TOP1: variants seen among roughly 807,000 people sequenced by gnomAD.
The protein encoded by TOP1 is DNA topoisomerase 1.
A neutral mutation model predicts 111.1 loss-of-function variants in TOP1; 10 were observed. The observed-to-expected ratio is 0.09, with a 90% CI of 0.06 to 0.15. The LOEUF is 0.15. Among genes scored for constraint, TOP1 ranks in the 10% least tolerant of loss-of-function variants. The pLI is 1.00. For missense variants in TOP1, 474 were observed against 926.7 expected, an observed-to-expected ratio of 0.51 and a Z score of 6.34; for synonymous variants, 271 against 302.9, an observed-to-expected ratio of 0.89 and a Z score of 1.10.
In TOP1 at chr20:41,046,178, G is replaced by A. The variant is rs558594811; in HGVS notation, c.59-15216G>A. Among the ~76,000 whole-genome samples, 4 of 152,302 alleles carry A rather than the reference G, an allele frequency of 2.6e-5. No individual in the cohort carries two copies. Among genetic ancestry groups the A allele is most frequent in the East Asian group, 3.9e-4 (2 of 5,190 alleles). ...GAACATTTTTAATGCCCTAGGCAGC[G>A]TCTTAAGAATTCTAAGCTTTCATTT... On this transcript the variant is annotated intron_variant, in intron 2 of 20. Transcript: ENST00000361337. The surrounding 1 kb of genome is among the most constrained non-coding windows in gnomAD (Gnocchi z 4.3).
chr20:41,094,217 G>A lies in TOP1; in HGVS notation c.730+1630G>A, dbSNP rs1420684844. 2.0e-5 allele frequency among the ~76,000 whole-genome samples: 3 copies of A among 152,096 alleles called. No homozygotes were observed. Among genetic ancestry groups the A allele is most frequent in the Admixed American group, 6.5e-5 (1 of 15,276 alleles). On this transcript the variant is annotated intron_variant, in intron 9 of 20. Coordinates refer to ENST00000361337, the MANE Select transcript of TOP1 (RefSeq NM_003286.4). This position sits in a 1 kb window ranked among gnomAD's most constrained non-coding sequence, Gnocchi z 4.4. ...TCTCAGAGGCAAATGCTTATGTTAT[G>A]TAAACATTTTGACCTGTTGACCAGA...
rs1555804903 is a variant in TOP1 at position 41,080,205 on chromosome 20, CTTTTG to C, written c.431+26_431+30del. 1 of 1,399,560 alleles carries C rather than the reference CTTTTG, an allele frequency of 7.1e-7. No individual in the cohort carries two copies. The highest frequency in any genetic ancestry group is 2.0e-5 in the Admixed American group (1 of 50,468). The allele number at this position is 1,399,560 out of a possible 1,614,324, so 86.7% of individuals were successfully genotyped here. A position where few individuals can be genotyped will look rare whatever the true frequency, so the allele number is the denominator to read the frequency against. ...AGTGAGTATTTTCTTAAAACTTTGACTTTTGAAAACAAAAAGGAGGAGTTTAAAGA... is the reference window on the plus strand; with the variant it reads ...AGTGAGTATTTTCTTAAAACTTTGACAAAACAAAAAGGAGGAGTTTAAAGA... On this transcript the variant is annotated intron_variant, in intron 6 of 20. Coordinates refer to ENST00000361337, the MANE Select transcript of TOP1 (RefSeq NM_003286.4). The surrounding 1 kb of genome is among the most constrained non-coding windows in gnomAD (Gnocchi z 5.0).
chr20:41,044,050 G>C (rs1417542280), intron 2 of TOP1, among the ~76,000 whole-genome samples: 3 of 152,198 alleles, frequency 2.0e-5, no homozygotes, highest in Non-Finnish European at 2.9e-5. Flanking sequence ...GCCGAGGCAG[G>C]CGGATCACCT....
At chr20:41,062,930 C>A (rs763910184) in intron 3 of TOP1, among the ~76,000 whole-genome samples, 1 of 152,022 alleles carries the variant, frequency 6.6e-6, no homozygotes, top group Non-Finnish European at 1.5e-5. Context: ...TCTACTTTTC[C>A]GCTTTTAATT....
At position 41,106,092 on chromosome 20, in the gene TOP1, A is replaced by C. The variant is rs1052446329; in HGVS notation, c.1308+4739A>C. ...TAGAATGTATTTTTGCATTGGGATG[A>C]AGTTGAAACCTAATATATTTTCCAA... On this transcript the variant is annotated intron_variant, in intron 13 of 20. Transcript: ENST00000361337. This position sits in a 1 kb window ranked among gnomAD's most constrained non-coding sequence, Gnocchi z 4.3. Among the ~76,000 whole-genome samples the C allele has an allele frequency of 3.3e-5, 5 of 151,506 alleles. No individual in the cohort carries two copies. Among genetic ancestry groups the C allele is most frequent in the Non-Finnish European group, 5.9e-5 (4 of 68,002 alleles).
chr20:41,123,184 T>C lies in TOP1; in HGVS notation c.2196-11T>C. The C allele has an allele frequency of 1.2e-6, 2 of 1,607,564 alleles. No homozygotes were observed. Among genetic ancestry groups the C allele is most frequent in the South Asian group, 2.2e-5 (2 of 90,892 alleles). ...ACCCTAATCCCCCCCTTATTTCTCC[T>C]TTGTTTGCAGGTGCAAGAAGTGGGG... On this transcript the variant is annotated splice_polypyrimidine_tract_variant and intron_variant, in intron 20 of 20. Transcript: ENST00000361337. This position sits in a 1 kb window ranked among gnomAD's most constrained non-coding sequence, Gnocchi z 5.8.
chr20:41,035,535 A>C (rs1225640124), intron 2 of TOP1, among the ~76,000 whole-genome samples: 1 of 152,150 alleles, frequency 6.6e-6, no homozygotes, highest in Non-Finnish European at 1.5e-5. Flanking sequence ...GTAAATGATG[A>C]TGTTGGGAAA....
rs1479530557 is a variant in TOP1 at position 41,121,890 on chromosome 20, T to C, written c.2045+100T>C. On this transcript the variant is annotated intron_variant, in intron 19 of 20. Transcript: ENST00000361337. This position sits in a 1 kb window ranked among gnomAD's most constrained non-coding sequence, Gnocchi z 4.2. ...TGGCTTTTCGATGGTTTCTGAGAAA[T>C]GTCTTTTGGAAATCTCTATACTAGG... 2 of 1,557,878 alleles carry C rather than the reference T, an allele frequency of 1.3e-6. No individual in the cohort carries two copies.
At position 41,034,556 on chromosome 20, in the gene TOP1, A is replaced by G. The variant is rs1441083704; in HGVS notation, c.58+5101A>G. On this transcript the variant is annotated intron_variant, in intron 2 of 20. Coordinates refer to ENST00000361337, the MANE Select transcript of TOP1 (RefSeq NM_003286.4). The surrounding 1 kb of genome is among the most constrained non-coding windows in gnomAD (Gnocchi z 4.0). ...GGGTTGCGGGGAAGCTTGTAGAGGA[A>G]TGTCTGTTAGATATTGATGGTATTT... 1.3e-5 allele frequency among the ~76,000 whole-genome samples: 2 copies of G among 152,174 alleles called. No homozygotes were observed. Among genetic ancestry groups the G allele is most frequent in the Non-Finnish European group, 2.9e-5 (2 of 68,020 alleles).
chr20:41,073,887 C>T (rs1210722714), intron 3 of TOP1, among the ~76,000 whole-genome samples: 1 of 152,148 alleles, frequency 6.6e-6, no homozygotes, highest in East Asian at 1.9e-4. Context: ...ATTCATCCAT[C>T]AATATTATAG....
chr20:41,064,226 T>A (rs2033580378), intron 3 of TOP1, among the ~76,000 whole-genome samples: 1 of 152,238 alleles, frequency 6.6e-6, no homozygotes, highest in Non-Finnish European at 1.5e-5. Context: ...GCTGTCGGTG[T>A]GTGGTTTTAT....
Position 41,101,495 on chromosome 20 carries a change from G to C in TOP1, c.1308+142G>C, listed in dbSNP as rs181182981. 1 of 885,580 alleles carries C rather than the reference G, an allele frequency of 1.1e-6. No homozygotes were observed. The highest frequency in any genetic ancestry group is 3.0e-5 in the Admixed American group (1 of 33,886). The allele number at this position is 885,580 out of a possible 1,614,324, so 54.9% of individuals were successfully genotyped here. A position where few individuals can be genotyped will look rare whatever the true frequency, so the allele number is the denominator to read the frequency against. On this transcript the variant is annotated intron_variant, in intron 13 of 20. Coordinates refer to ENST00000361337, the MANE Select transcript of TOP1 (RefSeq NM_003286.4). The surrounding 1 kb of genome is among the most constrained non-coding windows in gnomAD (Gnocchi z 4.1). ...AAGAAGGCAAGTACTTTCATAGTTAGCATTATGGTGATCTTCCTACAGTGC... is the reference window on the plus strand; with the variant it reads ...AAGAAGGCAAGTACTTTCATAGTTACCATTATGGTGATCTTCCTACAGTGC...
chr20:41,115,591 C>T lies in TOP1; in HGVS notation c.1707+152C>T. The T allele has an allele frequency of 1.7e-6, 1 of 590,420 alleles. No individual in the cohort carries two copies. 36.6% of individuals were successfully genotyped at this position (590,420 alleles called of 1,614,324 possible). On this transcript the variant is annotated intron_variant, in intron 16 of 20. Transcript: ENST00000361337. The surrounding 1 kb of genome is among the most constrained non-coding windows in gnomAD (Gnocchi z 6.3). ...ACACTCTCTCTTCCTCCCTCTGAGT[C>T]CACGGTGAATCTGTAGTCAAGAGAA...
intron 2 of TOP1, among the ~76,000 whole-genome samples, chr20:41,038,196 A>G (rs1484819570): frequency 1.3e-5 from 2 of 152,192 alleles, no homozygotes; most frequent in Non-Finnish European, 2.9e-5. Context: ...CCACCCCATA[A>G]TAGAGACTTA....
At position 41,101,381 on chromosome 20, in the gene TOP1, G is replaced by A. The variant is rs939731113; in HGVS notation, c.1308+28G>A. On this transcript the variant is annotated intron_variant, in intron 13 of 20. Transcript: ENST00000361337. The surrounding 1 kb of genome is among the most constrained non-coding windows in gnomAD (Gnocchi z 4.1). ...AAGGGGATAGTTGAGAGCTGCACTG[G>A]TTCATGGTGCTGATAACCTTTTTTT... 13 of 1,602,368 alleles carry A rather than the reference G, an allele frequency of 8.1e-6. 1 individual carries two copies. The Admixed American group carries it at 1.3e-4, about 17-fold the overall frequency.
In TOP1 at chr20:41,115,249, G is replaced by A. The variant is rs1031412524; in HGVS notation, c.1639-122G>A. On this transcript the variant is annotated intron_variant, in intron 15 of 20. Transcript: ENST00000361337. This position sits in a 1 kb window ranked among gnomAD's most constrained non-coding sequence, Gnocchi z 6.3. The stretch of plus-strand genomic sequence containing the variant: ...GGGTAAAATGTTAACAGTGAATCTC[G>A]GTGACGGATGTATGCGTGTTCCTTG... The A allele has an allele frequency of 3.2e-6, 2 of 633,206 alleles. No individual in the cohort carries two copies. The highest frequency in any genetic ancestry group is 5.6e-6 in the Non-Finnish European group (2 of 356,846). The allele number at this position is 633,206 out of a possible 1,614,324, so 39.2% of individuals were successfully genotyped here.
intron 2 of TOP1, among the ~76,000 whole-genome samples, chr20:41,047,122 C>T (rs933701770): frequency 3.3e-5 from 5 of 152,170 alleles, no homozygotes; most frequent in African/African-American, 7.2e-5. Context: ...GGAGACATTG[C>T]GGATACTTTC....
chr20:41,056,144 T>C (rs75762760), intron 2 of TOP1, among the ~76,000 whole-genome samples: 16,543 of 152,180 alleles, frequency 0.11, 1,281 homozygotes, highest in Non-Finnish European at 0.16. Flanking sequence ...ATCGCTTACA[T>C]GGAAGTACTT....
rs1201599434 is a variant in TOP1 at position 41,124,393 on chromosome 20, C to T, written c.*1096C>T. On this transcript the variant is annotated 3_prime_UTR_variant, in exon 21 of 21. Coordinates refer to ENST00000361337, the MANE Select transcript of TOP1 (RefSeq NM_003286.4). This position sits in a 1 kb window ranked among gnomAD's most constrained non-coding sequence, Gnocchi z 5.4. The stretch of plus-strand genomic sequence containing the variant: ...TTAGTGTGTGTGCAGAGTCCATTTC[C>T]CACATCTTTCCTCAAGTATCTTCTA... 1.7e-5 allele frequency: 4 copies of T among 233,212 alleles called. No homozygotes were observed. Among genetic ancestry groups the T allele is most frequent in the Admixed American group, 5.6e-5 (1 of 17,768 alleles). 14.4% of individuals were successfully genotyped at this position (233,212 alleles called of 1,614,324 possible). A position where few individuals can be genotyped will look rare whatever the true frequency, so the allele number is the denominator to read the frequency against.
Sources: gnomAD v4.1 joint callset for allele counts (sites outside exome capture counted in the v4.1 genomes callset) on GRCh38, gnomAD v4.1.1 for gene constraint, Gnocchi (gnomAD v3.1) non-coding constraint, MANE v1.5 for transcripts, NCBI Gene and HGNC (gene_info 2026-07-23, HGNC 2026-07-21) for gene names.